Variants in SCEL observed in about 807,000 individuals in gnomAD.
SCEL encodes the protein sciellin.
SCEL carries 113 observed loss-of-function variants against 117.6 expected under a neutral mutation model. The observed-to-expected ratio is 0.96, with a 90% CI of 0.83 to 1.12. SCEL has a LOEUF of 1.12. Among genes scored for constraint, SCEL ranks in the 50% most tolerant of loss-of-function variants. SCEL has a pLI of 0.00. For synonymous variants in SCEL, 270 were observed against 256.2 expected, an observed-to-expected ratio of 1.05 and a Z score of -0.51; for missense variants, 785 against 810.8, an observed-to-expected ratio of 0.97 and a Z score of 0.39.
chr13:77,609,181 C>A, intron 21 of SCEL, 64 bp downstream of exon 21: 1 of 1,259,158 alleles, frequency 7.9e-7, no homozygotes, highest in Non-Finnish European at 1.1e-6. Context: ...ATAATTAAAG[C>A]ATCATTTCAG....
chr13:77,610,798 A>G (rs2088598172), intron 22 of SCEL, among the ~76,000 whole-genome samples: 1 of 152,190 alleles, frequency 6.6e-6, no homozygotes, highest in Non-Finnish European at 1.5e-5. Context: ...CTTATTGTCT[A>G]CCACCCAAAC....
At chr13:77,542,361 T>C (rs1305876049) in intron 1 of SCEL, among the ~76,000 whole-genome samples, 1 of 152,114 alleles carries the variant, frequency 6.6e-6, no homozygotes, top group Non-Finnish European at 1.5e-5. Context: ...GATCACGCCA[T>C]TGCACTCCAG....
intron 11 of SCEL, among the ~76,000 whole-genome samples, chr13:77,593,302 G>C (rs1240045955): frequency 1.2e-4 from 18 of 147,174 alleles, no homozygotes; most frequent in East Asian, 2.0e-4. Context: ...GTGTGTCTGT[G>C]TGTGTGTGTG....
At chr13:77,566,669 G>A (rs1309569768) in intron 5 of SCEL, among the ~76,000 whole-genome samples, 1 of 152,140 alleles carries the variant, frequency 6.6e-6, no homozygotes, top group African/African-American at 2.4e-5. Flanking sequence ...CACACTATAA[G>A]GTACTACTTG....
intron 1 of SCEL, among the ~76,000 whole-genome samples, chr13:77,539,411 C>T (rs190024159): frequency 6.6e-6 from 1 of 151,950 alleles, no homozygotes; most frequent in East Asian, 1.9e-4. Flanking sequence ...AAAATAACAA[C>T]ATTTTATAGT....
intron 9 of SCEL, among the ~76,000 whole-genome samples, chr13:77,585,229 C>G (rs759657445): frequency 1.4e-4 from 21 of 152,134 alleles, no homozygotes; most frequent in Non-Finnish European, 2.8e-4. Context: ...CATGTGTAAT[C>G]CAGAATAGTG....
intron 2 of SCEL, 138 bp downstream of exon 2, chr13:77,556,056 T>G (rs2084639077): frequency 1.9e-6 from 1 of 532,874 alleles, no homozygotes; most frequent in Admixed American, 3.3e-5. Context: ...AAGTTAGGCT[T>G]AAGAAAAAGT....
chr13:77,623,542 G>T (rs183863602), intron 27 of SCEL: 3 of 152,136 alleles, frequency 2.0e-5, no homozygotes, highest in South Asian at 2.1e-4. Flanking sequence ...TAAGAAAAAT[G>T]TTATGAAACA....
At chr13:77,599,595 T>C (rs2087502271) in intron 14 of SCEL, 94 bp from the exon 15 acceptor site, 1 of 993,920 alleles carries the variant, frequency 1.0e-6, no homozygotes, top group Non-Finnish European at 1.6e-6. Context: ...AATGAGCAAT[T>C]CATGGAGAAT....
At chr13:77,587,936 A>G (rs1179656226) in intron 9 of SCEL, among the ~76,000 whole-genome samples, 1 of 152,136 alleles carries the variant, frequency 6.6e-6, no homozygotes, top group Non-Finnish European at 1.5e-5. Flanking sequence ...TTTTCTCCAG[A>G]TAGCCTCATG....
intron 32 of SCEL, among the ~76,000 whole-genome samples, chr13:77,643,337 A>G (rs780442959): frequency 5.3e-5 from 8 of 152,172 alleles, no homozygotes; most frequent in Non-Finnish European, 7.4e-5. Flanking sequence ...AATGTGAGAA[A>G]AGGATATTGA....
chr13:77,572,682 T>C (rs1260437697), intron 9 of SCEL, among the ~76,000 whole-genome samples: 1 of 152,202 alleles, frequency 6.6e-6, no homozygotes, highest in Admixed American at 6.5e-5. Context: ...CACATGATCT[T>C]CTCCCTGTGT....
chr13:77,569,363 T>C lies in SCEL; in HGVS notation c.399-8T>C. 1.2e-6 allele frequency: 2 copies of C among 1,612,458 alleles called. No homozygotes were observed. Among genetic ancestry groups the C allele is most frequent in the Admixed American group, 3.3e-5 (2 of 59,970 alleles). ...GTGGGATTAATTGTTGTTCTTGTCA[T>C]TAAACAGGCAACCTGGCGGTTCATT... On this transcript the variant is annotated splice_polypyrimidine_tract_variant and splice_region_variant and intron_variant, in intron 7 of 32. Coordinates refer to ENST00000349847, the MANE Select transcript of SCEL (RefSeq NM_144777.3).
At chr13:77,564,267 C>T (rs1455331782) in intron 5 of SCEL, among the ~76,000 whole-genome samples, 1 of 146,254 alleles carries the variant, frequency 6.8e-6, no homozygotes. Context: ...GGTGGAAAAA[C>T]GTTAGTCCAT....
At chr13:77,577,854 T>C (rs563198749) in intron 9 of SCEL, among the ~76,000 whole-genome samples, 4 of 152,306 alleles carry the variant, frequency 2.6e-5, no homozygotes, top group South Asian at 2.1e-4. Context: ...AACCTGCTGC[T>C]GTTTTGCTCA....
At chr13:77,616,013 T>A (rs28394291) in intron 24 of SCEL, among the ~76,000 whole-genome samples, 8,861 of 142,692 alleles carry the variant, frequency 0.062, 783 homozygotes, top group East Asian at 0.48. Context: ...TCTGTGTGTG[T>A]GTGTGTGTGT....
Position 77,556,000 on chromosome 13 carries a change from G to T in SCEL, c.43+82G>T. 3 of 968,574 alleles carry T rather than the reference G, an allele frequency of 3.1e-6. No homozygotes were observed. In the South Asian group the frequency reaches 4.4e-5, roughly 14 times the overall value. 60.0% of individuals were successfully genotyped at this position (968,574 alleles called of 1,614,324 possible). Reference sequence around the variant, plus strand: ...TCACAGATCTCAATTCTTTAATACAGATATTGAATGCTTAGAAACAACAGT... The same window carrying T: ...TCACAGATCTCAATTCTTTAATACATATATTGAATGCTTAGAAACAACAGT... On this transcript the variant is annotated intron_variant, in intron 2 of 32. Transcript: ENST00000349847.
chr13:77,610,248 G>A (rs1319291412), intron 22 of SCEL, 142 bp downstream of exon 22: 11 of 470,566 alleles, frequency 2.3e-5, no homozygotes, highest in Non-Finnish European at 3.7e-5. Context: ...GTCAGGAGAT[G>A]GAGACCATCC....
intron 30 of SCEL, among the ~76,000 whole-genome samples, chr13:77,639,379 A>G (rs192975428): frequency 1.1e-4 from 17 of 152,364 alleles, no homozygotes; most frequent in Non-Finnish European, 2.4e-4. Context: ...AGACATTACT[A>G]GAATGATTAA....
Sources: gnomAD v4.1 joint callset for allele counts (sites outside exome capture counted in the v4.1 genomes callset) on GRCh38, gnomAD v4.1.1 for gene constraint, MANE v1.5 for transcripts, NCBI Gene and HGNC (gene_info 2026-07-23, HGNC 2026-07-21) for gene names.